The following OVCH2 variants were observed in gnomAD, a reference collection of about 807,000 sequenced individuals.
The protein encoded by OVCH2 is ovochymase 2, also known as ovochymase-2.
Under a neutral mutation model 73.7 loss-of-function variants are expected in OVCH2, and 88 were observed. The ratio of observed to expected loss-of-function variants is 1.19; its 90% CI spans 1.01 to 1.43. OVCH2 has a LOEUF of 1.43. Among genes scored for constraint, OVCH2 ranks in the 40% most tolerant of loss-of-function variants. The pLI is 0.00. For synonymous variants in OVCH2, 265 were observed against 234.5 expected, an observed-to-expected ratio of 1.13 and a Z score of -1.19; for missense variants, 706 against 674.5, an observed-to-expected ratio of 1.05 and a Z score of -0.52.
In OVCH2 at chr11:7,700,332, T is replaced by C; in HGVS notation, c.865A>G (p.Lys289Glu). Reference protein sequence around the residue: ...GSPGIFTDISKVLPWIHEHIQ... With the variant: ...GSPGIFTDISEVLPWIHEHIQ... ...TGTTCGTGGATCCAGGGAAGCACTT[T>C]ACTAATGTCTGTGAAGATCCCAGGG... Residue 289 changes from lysine to glutamate, a missense_variant, in exon 7 of 16, where the codon AAA (lysine) becomes GAA (glutamate). Transcript: ENST00000533663. The C allele has an allele frequency of 1.2e-6, 2 of 1,613,920 alleles. No individual in the cohort carries two copies. The highest frequency in any genetic ancestry group is 1.7e-6 in the Non-Finnish European group (2 of 1,179,858).
intron 11 of OVCH2, 121 bp from the exon 12 acceptor site, chr11:7,695,309 A>G: frequency 8.0e-7 from 1 of 1,250,720 alleles, no homozygotes; most frequent in Non-Finnish European, 1.1e-6. Flanking sequence ...CACTGCGAAC[A>G]AGAAAAGACG....
At chr11:7,703,853 T>C in intron 2 of OVCH2, 64 bp from the exon 3 acceptor site, 1 of 1,276,268 alleles carries the variant, frequency 7.8e-7, no homozygotes, top group South Asian at 1.3e-5. Flanking sequence ...AACACGGTGA[T>C]GAAGCCTATT....
intron 12 of OVCH2, among the ~76,000 whole-genome samples, chr11:7,692,427 T>G (rs1220772948): frequency 6.6e-6 from 1 of 152,164 alleles, no homozygotes; most frequent in Non-Finnish European, 1.5e-5. Context: ...AGACTGAAAT[T>G]TGTTGTGCCC....
downstream of OVCH2, among the ~76,000 whole-genome samples, chr11:7,685,084 G>T (rs11601382): frequency 0.3 from 45,940 of 152,058 alleles, 7,317 homozygotes; most frequent in African/African-American, 0.39. Context: ...TTTCTCACTT[G>T]ACCAAGAAAC....
intron 4 of OVCH2, 42 bp from the exon 5 acceptor site, chr11:7,701,853 G>A (rs1856445766): frequency 2.0e-6 from 3 of 1,522,654 alleles, no homozygotes; most frequent in Non-Finnish European, 9.0e-7. Flanking sequence ...ATTCATGGAG[G>A]AGAGGACACT....
At chr11:7,679,737 T>C in the OVCH2 span, among the ~76,000 whole-genome samples, 1 of 152,150 alleles carries the variant, frequency 6.6e-6, no homozygotes, top group Non-Finnish European at 1.5e-5. Flanking sequence ...AATAGACTAA[T>C]ACAGAAAGTT....
At chr11:7,696,846 C>A in intron 8 of OVCH2, 47 bp from the exon 9 acceptor site, 1 of 1,536,736 alleles carries the variant, frequency 6.5e-7, no homozygotes, top group Non-Finnish European at 8.8e-7. Flanking sequence ...GCCAGTTAAC[C>A]ACAGCAGCCC....
In OVCH2 at chr11:7,706,413, T is replaced by C. The variant is rs1352565468; in HGVS notation, c.-19A>G. 1.3e-6 allele frequency: 2 copies of C among 1,553,790 alleles called. No individual in the cohort carries two copies. Among genetic ancestry groups the C allele is most frequent in the East Asian group, 2.4e-5 (1 of 42,290 alleles). The stretch of plus-strand genomic sequence containing the variant: ...TAAGCATTTTGAGACTCATAGTTTT[T>C]CCCTGAAATTTTAGAGAGACTAAAG... On this transcript the variant is annotated 5_prime_UTR_variant, in exon 1 of 16. Transcript: ENST00000533663.
chr11:7,680,959 G>T, the OVCH2 span, among the ~76,000 whole-genome samples: 1 of 152,174 alleles, frequency 6.6e-6, no homozygotes, highest in Admixed American at 6.5e-5. Flanking sequence ...TGCTTTGATT[G>T]TGGGCCTCTT....
chr11:7,683,044 G>A, the OVCH2 span, among the ~76,000 whole-genome samples: 1 of 152,134 alleles, frequency 6.6e-6, no homozygotes, highest in South Asian at 2.1e-4. Context: ...GGAAATGTTG[G>A]AGTGCCCCAG....
chr11:7,694,826 T>TA (rs869241864), intron 12 of OVCH2, among the ~76,000 whole-genome samples: 2 of 145,242 alleles, frequency 1.4e-5, no homozygotes, highest in Non-Finnish European at 3.0e-5. Context: ...TTTTTTTTTT[T>TA]AAAGTAAGGA....
intron 5 of OVCH2, 34 bp from the exon 6 acceptor site, chr11:7,701,509 ACT>A: frequency 6.3e-7 from 1 of 1,597,366 alleles, no homozygotes; most frequent in Non-Finnish European, 8.5e-7. Flanking sequence ...CCCAGCAGGA[ACT>A]CTTTCACCCT....
intron 8 of OVCH2, 91 bp from the exon 9 acceptor site, chr11:7,696,890 T>C (rs907717727): frequency 1.6e-5 from 18 of 1,154,320 alleles, no homozygotes; most frequent in Non-Finnish European, 2.0e-5. Flanking sequence ...CATAGCCTCC[T>C]GGTTCTTCTT....
At chr11:7,691,438 ACC>A (rs1182816543) in intron 13 of OVCH2, 38 bp from the exon 14 acceptor site, 1 of 1,582,392 alleles carries the variant, frequency 6.3e-7, no homozygotes, top group South Asian at 1.1e-5. Flanking sequence ...ATTGTCAAGC[ACC>A]CAGCAGATAG....
downstream of OVCH2, among the ~76,000 whole-genome samples, chr11:7,686,004 C>T (rs1856138555): frequency 6.6e-6 from 1 of 152,192 alleles, no homozygotes; most frequent in Non-Finnish European, 1.5e-5. Flanking sequence ...AATTTGAAAT[C>T]TACCTGCTAA....
chr11:7,704,868 G>T (rs1157524108), intron 1 of OVCH2, among the ~76,000 whole-genome samples, 194 bp from the exon 2 acceptor site: 1 of 152,134 alleles, frequency 6.6e-6, no homozygotes, highest in East Asian at 1.9e-4. Context: ...AAGGAGAGTG[G>T]AGTGAAGTGT....
chr11:7,700,333 A>C lies in OVCH2; in HGVS notation c.864T>G (p.Ser288Arg), dbSNP rs988173069. 6.2e-7 allele frequency: 1 copy of C among 1,613,850 alleles called. No individual in the cohort carries two copies. The highest frequency in any genetic ancestry group is 8.5e-7 in the Non-Finnish European group (1 of 1,179,856). The change falls in exon 7 of 16, where the codon AGT (serine) becomes AGG (arginine). Residue 288 changes from serine to arginine, a missense_variant. Ser to Arg is a moderately radical substitution (Grantham distance 110). Transcript: ENST00000533663. ...GTTCGTGGATCCAGGGAAGCACTTTACTAATGTCTGTGAAGATCCCAGGGG... is the reference window on the plus strand; with the variant it reads ...GTTCGTGGATCCAGGGAAGCACTTTCCTAATGTCTGTGAAGATCCCAGGGG... ...QGSPGIFTDI[S>R]KVLPWIHEHI...
intron 10 of OVCH2, 88 bp from the exon 11 acceptor site, chr11:7,695,798 T>A (rs530809448): frequency 6.6e-7 from 1 of 1,507,180 alleles, no homozygotes; most frequent in Admixed American, 2.0e-5. Flanking sequence ...TTTGCCATGA[T>A]ATTTCAGGAT....
At chr11:7,683,329 G>T in the OVCH2 span, among the ~76,000 whole-genome samples, 1 of 151,972 alleles carries the variant, frequency 6.6e-6, no homozygotes, top group Non-Finnish European at 1.5e-5. Context: ...CAGTTGATCA[G>T]GCCAAAAGCC....
Sources: allele counts gnomAD v4.1 joint callset (sites outside exome capture counted in the v4.1 genomes callset), GRCh38; gene constraint gnomAD v4.1.1; transcripts MANE v1.5; gene names NCBI Gene and HGNC (gene_info 2026-07-23, HGNC 2026-07-21).